Variants in LRMDA observed in about 807,000 individuals in gnomAD.
LRMDA encodes the protein leucine-rich melanocyte differentiation-associated protein.
A neutral mutation model predicts 29.8 loss-of-function variants in LRMDA; 18 were observed. The observed-to-expected ratio is 0.60, with a 90% confidence interval of 0.42 to 0.90. The LOEUF (loss-of-function observed/expected upper bound fraction) is 0.90, where lower values mean the gene tolerates loss of function less well. Ranked by LOEUF, LRMDA falls within the 40% of genes least tolerant of loss-of-function variation. The pLI, the probability that LRMDA is intolerant of heterozygous loss-of-function variation, is 0.00. For missense variants in LRMDA, 273 were observed against 273.9 expected, an observed-to-expected ratio of 1.00 and a Z score of 0.02; for synonymous variants, 125 against 109.4, an observed-to-expected ratio of 1.14 and a Z score of -0.89.
intron 3 of LRMDA, among the ~76,000 whole-genome samples, chr10:76,045,887 G>A (rs1848430860): frequency 6.6e-6 from 1 of 152,144 alleles, no homozygotes; most frequent in African/African-American, 2.4e-5. Context: ...TCATTCTTTT[G>A]TGACAAGTTG....
At chr10:75,722,459 T>C (rs1842580017) in intron 2 of LRMDA, among the ~76,000 whole-genome samples, 3 of 152,206 alleles carry the variant, frequency 2.0e-5, no homozygotes. Flanking sequence ...GTTCTATGTT[T>C]ATTATTGCTT....
intron 6 of LRMDA, among the ~76,000 whole-genome samples, chr10:76,451,053 G>T (rs1842401077): frequency 6.6e-6 from 1 of 152,240 alleles, no homozygotes; most frequent in African/African-American, 2.4e-5. Flanking sequence ...TTTGAATAGG[G>T]ATTGTTGTGC....
At chr10:75,518,619 C>T (rs1252451423) in intron 2 of LRMDA, among the ~76,000 whole-genome samples, 1 of 152,148 alleles carries the variant, frequency 6.6e-6, no homozygotes, top group Non-Finnish European at 1.5e-5. Context: ...TGCTAGCAGT[C>T]TATCAATTTT....
At chr10:75,757,798 CTTTTTTTT>C (rs139801931) in intron 2 of LRMDA, among the ~76,000 whole-genome samples, 1 of 140,036 alleles carries the variant, frequency 7.1e-6, no homozygotes, top group South Asian at 2.3e-4. Context: ...AATTTTCTTT[CTTTTTTTT>C]TTTTTTTTGT....
At position 75,441,943 on chromosome 10, in the gene LRMDA, A is replaced by G. The variant is rs375142245; in HGVS notation, c.131+3449A>G. Among the ~76,000 whole-genome samples the G allele has an allele frequency of 2.6e-5, 4 of 152,234 alleles. No individual in the cohort carries two copies. In the South Asian group the frequency reaches 8.3e-4, roughly 32 times the overall value. ...TGTTTATTCAGTTTTTATATAGCTA[A>G]TACAGGCACATGGCACAACCTTTAG... On this transcript the variant is annotated intron_variant, in intron 2 of 6. Transcript: ENST00000611255.
intron 2 of LRMDA, among the ~76,000 whole-genome samples, chr10:75,447,465 G>T (rs867002149): frequency 6.6e-6 from 1 of 152,138 alleles, no homozygotes; most frequent in African/African-American, 2.4e-5. Context: ...GGCAGAGGTT[G>T]CAATGAGCCA....
chr10:76,197,626 A>T lies in LRMDA; in HGVS notation c.517-126775A>T, dbSNP rs541471744. On this transcript the variant is annotated intron_variant, in intron 5 of 6. Transcript: ENST00000611255. ...CACAATAAAGAATTAGCTGTTTAAA[A>T]TGTTAGTAGTGGCCGGGTGCATTGG... 3.0e-4 allele frequency among the ~76,000 whole-genome samples: 46 copies of T among 152,288 alleles called. No homozygotes were observed. The South Asian group carries it at 6.8e-3, about 23-fold the overall frequency.
intron 5 of LRMDA, among the ~76,000 whole-genome samples, chr10:76,319,953 T>C (rs538707369): frequency 1.3e-5 from 2 of 152,340 alleles, no homozygotes; most frequent in African/African-American, 4.8e-5. Flanking sequence ...TGTTTCGAAG[T>C]CTGCCAAATC....
At chr10:76,047,439 C>T (rs1848459820) in intron 4 of LRMDA, 136 bp downstream of exon 4, 8 of 901,112 alleles carry the variant, frequency 8.9e-6, no homozygotes, top group Middle Eastern at 3.2e-4. Flanking sequence ...AAACTTTTAC[C>T]TTTTGGTAAC....
At chr10:76,178,802 C>T (rs538760011) in intron 5 of LRMDA, among the ~76,000 whole-genome samples, 14 of 152,336 alleles carry the variant, frequency 9.2e-5, no homozygotes, top group Admixed American at 7.8e-4. Context: ...GCAGCTTGTT[C>T]CTTGAGGCTT....
chr10:75,872,216 T>C (rs1187667548), intron 2 of LRMDA, among the ~76,000 whole-genome samples: 1 of 152,192 alleles, frequency 6.6e-6, no homozygotes, highest in African/African-American at 2.4e-5. Flanking sequence ...CCTTAATAAA[T>C]GTTGGTTGAA....
intron 5 of LRMDA, among the ~76,000 whole-genome samples, chr10:76,200,669 A>G (rs1851409430): frequency 6.6e-6 from 1 of 151,692 alleles, no homozygotes; most frequent in African/African-American, 2.4e-5. Context: ...AGCATGCCAC[A>G]TATTACCAAC....
intron 5 of LRMDA, among the ~76,000 whole-genome samples, chr10:76,263,654 G>C (rs1392433227): frequency 6.6e-6 from 1 of 152,178 alleles, no homozygotes; most frequent in Non-Finnish European, 1.5e-5. Flanking sequence ...CATAGTGCTT[G>C]CTATGTAGAA....
At chr10:76,466,199 A>G (rs1286350383) in intron 6 of LRMDA, among the ~76,000 whole-genome samples, 1 of 152,146 alleles carries the variant, frequency 6.6e-6, no homozygotes, top group Non-Finnish European at 1.5e-5. Context: ...AGTCATGAGA[A>G]CTTAGCAGCT....
chr10:76,408,255 C>A (rs369408304), intron 6 of LRMDA, among the ~76,000 whole-genome samples: 10 of 152,196 alleles, frequency 6.6e-5, no homozygotes, highest in Admixed American at 2.6e-4. Context: ...TGTCTGTGGT[C>A]AACAGAGAGC....
intron 2 of LRMDA, among the ~76,000 whole-genome samples, chr10:75,464,242 G>A (rs1254794263): frequency 6.6e-6 from 1 of 152,234 alleles, no homozygotes; most frequent in Non-Finnish European, 1.5e-5. Context: ...CTAAGTCCAA[G>A]TTACCTAGTC....
intron 5 of LRMDA, among the ~76,000 whole-genome samples, chr10:76,261,746 G>A (rs553240414): frequency 6.6e-6 from 1 of 152,236 alleles, no homozygotes; most frequent in South Asian, 2.1e-4. Flanking sequence ...AGTCACATGT[G>A]CAAACATTTT....
intron 2 of LRMDA, among the ~76,000 whole-genome samples, chr10:76,001,656 G>A (rs1847565359): frequency 6.6e-6 from 1 of 151,312 alleles, no homozygotes; most frequent in South Asian, 2.1e-4. Flanking sequence ...TTTATTTAAT[G>A]AAACATTTAT....
chr10:76,157,799 A>G (rs184169569), intron 5 of LRMDA, among the ~76,000 whole-genome samples: 13 of 152,216 alleles, frequency 8.5e-5, no homozygotes, highest in African/African-American at 1.2e-4. Flanking sequence ...AAATTAGGTG[A>G]TTTTGTCATT....
Sources: allele counts gnomAD v4.1 joint callset (sites outside exome capture counted in the v4.1 genomes callset), GRCh38; gene constraint gnomAD v4.1.1; transcripts MANE v1.5; gene names NCBI Gene and HGNC (gene_info 2026-07-23, HGNC 2026-07-21).